Variants in ELAVL2 observed in about 807,000 individuals in gnomAD.
ELAVL2 encodes the protein ELAV-like protein 2.
In ELAVL2, 4 loss-of-function variants were observed where a neutral mutation model predicts 34.6. The ratio of observed to expected loss-of-function variants is 0.12; its 90% CI spans 0.06 to 0.26. The LOEUF (loss-of-function observed/expected upper bound fraction) is 0.26. Ranked by LOEUF, ELAVL2 falls within the 10% of genes least tolerant of loss-of-function variation. The probability of loss-of-function intolerance (pLI) is 1.00; values close to 1 mark genes in which losing one functional copy is unlikely to be tolerated. For synonymous variants in ELAVL2, 193 were observed against 154.8 expected, an observed-to-expected ratio of 1.25 and a Z score of -1.83; for missense variants, 432 against 442.8, an observed-to-expected ratio of 0.98 and a Z score of 0.22.
intron 1 of ELAVL2, among the ~76,000 whole-genome samples, chr9:23,795,404 G>GT (rs1224294738): frequency 6.6e-6 from 1 of 152,042 alleles, no homozygotes; most frequent in Non-Finnish European, 1.5e-5. Flanking sequence ...TTAGCTTCGT[G>GT]TGGTGGTACA....
intron 1 of ELAVL2, among the ~76,000 whole-genome samples, chr9:23,770,387 A>G (rs1227842131): frequency 6.6e-6 from 1 of 152,160 alleles, no homozygotes; most frequent in Non-Finnish European, 1.5e-5. Context: ...CTCAATGTCT[A>G]CATCCTACTC....
chr9:23,823,027 G>A (rs917454483), intron 1 of ELAVL2, among the ~76,000 whole-genome samples: 3 of 152,104 alleles, frequency 2.0e-5, no homozygotes, highest in African/African-American at 7.2e-5. Flanking sequence ...GTGAAGTAGG[G>A]GGCTCAACCA....
intron 5 of ELAVL2, among the ~76,000 whole-genome samples, chr9:23,695,952 G>A (rs1332517846): frequency 6.6e-6 from 1 of 152,094 alleles, no homozygotes; most frequent in Non-Finnish European, 1.5e-5. Context: ...CCCCAGACAG[G>A]AGGTTTCGAA....
At chr9:23,703,412 A>G (rs1015884628) in intron 4 of ELAVL2, among the ~76,000 whole-genome samples, 1 of 152,258 alleles carries the variant, frequency 6.6e-6, no homozygotes, top group African/African-American at 2.4e-5. Flanking sequence ...ATGTATAAGT[A>G]TTATGAATTA....
intron 1 of ELAVL2, among the ~76,000 whole-genome samples, chr9:23,801,307 T>G (rs2061539240): frequency 6.6e-6 from 1 of 152,182 alleles, no homozygotes; most frequent in African/African-American, 2.4e-5. Flanking sequence ...TCAAAGAAAT[T>G]TTCTCAGGTA....
chr9:23,702,859 T>C (rs898622510), intron 4 of ELAVL2, among the ~76,000 whole-genome samples: 5 of 144,412 alleles, frequency 3.5e-5, no homozygotes, highest in Admixed American at 7.4e-5. Flanking sequence ...AATAGTGAAA[T>C]GATAGCAAAT....
chr9:23,767,670 C>T (rs376411059), intron 1 of ELAVL2, among the ~76,000 whole-genome samples: 3 of 152,092 alleles, frequency 2.0e-5, no homozygotes, highest in African/African-American at 7.2e-5. Context: ...CTACTCAGGA[C>T]GCTGAGGCAG....
chr9:23,770,599 T>C (rs925176358), intron 1 of ELAVL2, among the ~76,000 whole-genome samples: 27 of 152,212 alleles, frequency 1.8e-4, no homozygotes, highest in African/African-American at 4.8e-4. Flanking sequence ...CGAAAGGACA[T>C]TGCTGGCTTT....
At chr9:23,811,532 C>T (rs1031985149) in intron 1 of ELAVL2, among the ~76,000 whole-genome samples, 13 of 152,346 alleles carry the variant, frequency 8.5e-5, no homozygotes, top group African/African-American at 3.1e-4. Flanking sequence ...AGCACCCCAG[C>T]TTCTGTCCTG....
upstream of ELAVL2, among the ~76,000 whole-genome samples, chr9:23,830,635 T>C (rs1367514168): frequency 2.2e-5 from 2 of 89,272 alleles, no homozygotes; most frequent in African/African-American, 7.8e-5. Context: ...CCTTTTTTTT[T>C]TTTTTCCTGG....
At chr9:23,782,380 CAAAAATTAAAAATACA>C (rs962609827) in intron 1 of ELAVL2, among the ~76,000 whole-genome samples, 14 of 151,008 alleles carry the variant, frequency 9.3e-5, no homozygotes, top group Admixed American at 2.6e-4. Flanking sequence ...ACTAAAAATA[CAAAAATTAAAAATACA>C]AAAAATTAAA....
Position 23,717,544 on chromosome 9 carries a change from G to A in ELAVL2, c.334-12473C>T, listed in dbSNP as rs74993020. ...GCTTCTCCTAAAAGGTACACATCAC[G>A]TGAAGGCCTCTGTGCTTTTGAATGA... is the stretch of plus-strand genomic sequence containing the variant. On this transcript the variant is annotated intron_variant, in intron 3 of 6. Coordinates refer to ENST00000397312, the MANE Select transcript of ELAVL2 (RefSeq NM_004432.5). 4.5e-3 allele frequency among the ~76,000 whole-genome samples: 680 copies of A among 152,242 alleles called. 2 individuals are homozygous for A. The highest frequency in any genetic ancestry group is 0.015 in the African/African-American group (621 of 41,540).
At chr9:23,840,265 G>C in the ELAVL2 span, among the ~76,000 whole-genome samples, 18 of 152,322 alleles carry the variant, frequency 1.2e-4, no homozygotes, top group Admixed American at 2.6e-4. Context: ...ACTGGATAAA[G>C]GAAAGCCCAG....
chr9:23,747,606 T>C (rs976894580), intron 2 of ELAVL2, among the ~76,000 whole-genome samples: 2 of 152,148 alleles, frequency 1.3e-5, no homozygotes, highest in African/African-American at 4.8e-5. Flanking sequence ...AAGACCTTCC[T>C]CATCTCAATC....
intron 1 of ELAVL2, among the ~76,000 whole-genome samples, chr9:23,791,345 G>C (rs768327863): frequency 2.6e-5 from 4 of 152,172 alleles, no homozygotes; most frequent in Non-Finnish European, 4.4e-5. Flanking sequence ...CAGGGGAAAA[G>C]AATCATTTCT....
Position 23,692,489 on chromosome 9 carries a change from T to C in ELAVL2, c.*68A>G. 1 of 1,474,646 alleles carries C rather than the reference T, an allele frequency of 6.8e-7. No homozygotes were observed. Among genetic ancestry groups the C allele is most frequent in the South Asian group, 1.4e-5 (1 of 72,348 alleles). The allele number at this position is 1,474,646 out of a possible 1,614,324, so 91.3% of individuals were successfully genotyped here. A position where few individuals can be genotyped will look rare whatever the true frequency, so the allele number is the denominator to read the frequency against. ...ACTTACAAAGACATTTACTAATGTA[T>C]AAAGTTTCTCTTAACTTGCCTTTGT... On this transcript the variant is annotated 3_prime_UTR_variant, in exon 7 of 7. Coordinates refer to ENST00000397312, the MANE Select transcript of ELAVL2 (RefSeq NM_004432.5).
chr9:23,763,183 A>C (rs2055438893), intron 1 of ELAVL2, among the ~76,000 whole-genome samples: 1 of 152,140 alleles, frequency 6.6e-6, no homozygotes, highest in Non-Finnish European at 1.5e-5. Flanking sequence ...TGAAAATGCA[A>C]GTAATAGGGT....
chr9:23,698,967 A>G (rs2036218093), intron 5 of ELAVL2, among the ~76,000 whole-genome samples: 2 of 152,230 alleles, frequency 1.3e-5, no homozygotes, highest in Non-Finnish European at 2.9e-5. Flanking sequence ...GACAACAGTT[A>G]AAAATCTGAA....
chr9:23,697,537 C>T (rs1487528752), intron 5 of ELAVL2, among the ~76,000 whole-genome samples: 5 of 152,014 alleles, frequency 3.3e-5, no homozygotes, highest in African/African-American at 7.3e-5. Context: ...ATAGCACACG[C>T]CCATGTACAT....
Sources: allele counts gnomAD v4.1 joint callset (sites outside exome capture counted in the v4.1 genomes callset), GRCh38; gene constraint gnomAD v4.1.1; transcripts MANE v1.5; gene names NCBI Gene and HGNC (gene_info 2026-07-23, HGNC 2026-07-21).